PDCD11: variants seen among roughly 807,000 people sequenced by gnomAD.
PDCD11 encodes the protein protein RRP5 homolog.
PDCD11 carries 97 observed loss-of-function variants against 198.9 expected under a neutral mutation model. The observed-to-expected ratio is 0.49, with a 90% confidence interval of 0.41 to 0.58. The LOEUF (loss-of-function observed/expected upper bound fraction) is 0.58, where lower values mean the gene tolerates loss of function less well. Ranked by LOEUF, PDCD11 falls within the 20% of genes least tolerant of loss-of-function variation. The probability of loss-of-function intolerance (pLI) is 0.00; values close to 1 mark genes in which losing one functional copy is unlikely to be tolerated. For synonymous variants in PDCD11, 893 were observed against 918.0 expected (o/e 0.97, Z 0.49); for missense variants, 2,102 against 2,312.7 (o/e 0.91, Z 1.87).
Position 103,406,711 on chromosome 10 carries a change from C to T in PDCD11, c.791C>T (p.Thr264Met), listed in dbSNP as rs61731093. The change falls in exon 7 of 36, where the codon ACG (threonine) becomes ATG (methionine). Residue 264 changes from threonine (T) to methionine (M), a missense_variant. Thr to Met is a moderately conservative substitution (Grantham distance 81). Transcript: ENST00000369797. ...SLSVGHSEVSTAIATEQQSWN... is the reference protein window; with the variant it reads ...SLSVGHSEVSMAIATEQQSWN... ...TCTGTTGGTCACTCAGAGGTTTCTA[C>T]GGCCATTGCTACTGAACAGCAGAGC... is the stretch of plus-strand genomic sequence containing the variant. 4,653 of 1,614,078 alleles carry T rather than the reference C, an allele frequency of 2.9e-3. 11 individuals are homozygous for T. Among genetic ancestry groups the T allele is most frequent in the Middle Eastern group, 6.1e-3 (37 of 6,062 alleles).
At chr10:103,409,607 A>G (rs763876336) in intron 7 of PDCD11, 92 bp from the exon 8 acceptor site, 19 of 801,924 alleles carry the variant, frequency 2.4e-5, no homozygotes, top group South Asian at 1.7e-4. Context: ...AGTTAGGGAT[A>G]CTATGGCATT....
In PDCD11 at chr10:103,423,558, C is replaced by G. The variant is rs1414896217; in HGVS notation, c.2663C>G (p.Ser888Cys). ...TGCACTGCAGGGCAGGAGGTGGAAT[C>G]TGGGCAGAAAAAGAAGGTTGTTATC... The part of the protein sequence containing the change: ...RYHRAGQEVE[S>C]GQKKKVVILN... The change falls in exon 19 of 36, where the codon TCT becomes TGT. Residue 888 changes from serine to cysteine, a missense_variant. Transcript: ENST00000369797. 6.2e-7 allele frequency: 1 copy of G among 1,613,474 alleles called. No homozygotes were observed. Among genetic ancestry groups the G allele is most frequent in the Admixed American group, 1.7e-5 (1 of 60,020 alleles).
Position 103,438,818 on chromosome 10 carries a change from G to T in PDCD11, c.4025+10G>T, listed in dbSNP as rs756336218. ...ACGGTGTGTTCTTTCGGTGAGTGAG[G>T]GGGGCTCTGCACCCGGACCCAAGTG... On this transcript the variant is annotated intron_variant, in intron 27 of 35. Coordinates refer to ENST00000369797, the MANE Select transcript of PDCD11 (RefSeq NM_014976.2). The T allele has an allele frequency of 8.7e-6, 14 of 1,613,426 alleles. No individual in the cohort carries two copies. The highest frequency in any genetic ancestry group is 2.7e-5 in the African/African-American group (2 of 74,890).
chr10:103,442,178 C>T (rs779555032), intron 31 of PDCD11, 35 bp from the exon 32 acceptor site: 2 of 1,609,850 alleles, frequency 1.2e-6, no homozygotes, highest in South Asian at 2.2e-5. Context: ...CCTTGAGGAG[C>T]AGATGACTCA....
At chr10:103,432,961 C>T (rs948279984) in intron 22 of PDCD11, among the ~76,000 whole-genome samples, 2 of 152,186 alleles carry the variant, frequency 1.3e-5, no homozygotes, top group African/African-American at 4.8e-5. Context: ...ACCTTCTATT[C>T]CAATTGCCTA....
chr10:103,423,599 T>C lies in PDCD11; in HGVS notation c.2704T>C (p.Leu902=), dbSNP rs2031555384. The C allele has an allele frequency of 1.2e-6, 2 of 1,614,180 alleles. No homozygotes were observed. The highest frequency in any genetic ancestry group is 1.7e-6 in the Non-Finnish European group (2 of 1,180,016). The part of the protein sequence containing the change: ...KKVVILNVDL[L]KLEVHVSLHQ... The stretch of plus-strand genomic sequence containing the variant: ...GGTTGTTATCTTAAATGTTGATCTT[T>C]TGAAGTTGGAAGTGCACGTTTCCCT... Residue 902 remains leucine, a synonymous_variant, in exon 19 of 36, where the codon TTG becomes CTG. Transcript: ENST00000369797.
At chr10:103,442,521 A>G in intron 32 of PDCD11, 61 bp downstream of exon 32, 1 of 1,569,998 alleles carries the variant, frequency 6.4e-7, no homozygotes, top group South Asian at 1.1e-5. Flanking sequence ...GAAGTTTCTC[A>G]ACCTGTGGGG....
At chr10:103,435,578 C>T (rs1010751858) in intron 25 of PDCD11, among the ~76,000 whole-genome samples, 7 of 151,998 alleles carry the variant, frequency 4.6e-5, no homozygotes, top group Admixed American at 1.3e-4. Flanking sequence ...TGCAGTGGCG[C>T]GATCTCAGCT....
chr10:103,428,675 G>T (rs1284437263), intron 21 of PDCD11, among the ~76,000 whole-genome samples: 1 of 152,180 alleles, frequency 6.6e-6, no homozygotes, highest in Non-Finnish European at 1.5e-5. Flanking sequence ...ATGAGTCAGT[G>T]AACTCTGTGG....
At chr10:103,421,791 C>T (rs949083797) in intron 17 of PDCD11, among the ~76,000 whole-genome samples, 27 of 150,510 alleles carry the variant, frequency 1.8e-4, no homozygotes, top group African/African-American at 6.1e-4. Context: ...GGTGAAACCC[C>T]GTCTCTACTA....
intron 14 of PDCD11, 57 bp from the exon 15 acceptor site, chr10:103,418,383 C>T (rs2031234726): frequency 2.8e-6 from 4 of 1,407,710 alleles, no homozygotes; most frequent in Non-Finnish European, 4.0e-6. Flanking sequence ...CTAATCCAGA[C>T]CAGGTTGTTC....
chr10:103,430,110 T>C (rs1186671430), intron 21 of PDCD11, among the ~76,000 whole-genome samples: 1 of 152,022 alleles, frequency 6.6e-6, no homozygotes, highest in Non-Finnish European at 1.5e-5. Flanking sequence ...CCTCCCTCAG[T>C]CCCCCGAGTA....
Position 103,413,286 on chromosome 10 carries a change from C to T in PDCD11, c.1149C>T (p.Thr383=). Residue 383 remains threonine (T), a synonymous_variant, in exon 9 of 36, where the codon ACC becomes ACT. Coordinates refer to ENST00000369797, the MANE Select transcript of PDCD11 (RefSeq NM_014976.2). ...GTTTTTTCAAAAAGGCTGGGGCCAC[C>T]TTTAGGCTGAAGGATGGGGTTCTGG... is the stretch of plus-strand genomic sequence containing the variant. ...VQGFFKKAGA[T]FRLKDGVLAY... is the part of the protein sequence containing the mutation. The T allele has an allele frequency of 6.2e-7, 1 of 1,614,192 alleles. No individual in the cohort carries two copies. The highest frequency in any genetic ancestry group is 8.5e-7 in the Non-Finnish European group (1 of 1,180,018).
intron 16 of PDCD11, among the ~76,000 whole-genome samples, chr10:103,420,519 T>G (rs1221503811): frequency 6.6e-6 from 1 of 152,130 alleles, no homozygotes; most frequent in Non-Finnish European, 1.5e-5. Context: ...GCCTGGCACG[T>G]CAGCCGAGGC....
At chr10:103,403,929 C>T (rs2030278786) in intron 4 of PDCD11, among the ~76,000 whole-genome samples, 1 of 152,164 alleles carries the variant, frequency 6.6e-6, no homozygotes, top group South Asian at 2.1e-4. Context: ...TGATTTGATG[C>T]TTGGTCATGA....
intron 24 of PDCD11, 179 bp downstream of exon 24, chr10:103,434,529 C>T: frequency 9.9e-6 from 6 of 604,598 alleles, no homozygotes; most frequent in Non-Finnish European, 1.2e-5. Flanking sequence ...AGTTACTCCA[C>T]TGCTCTCTGA....
chr10:103,413,134 T>C lies in PDCD11; in HGVS notation c.997T>C (p.Cys333Arg), dbSNP rs1223946172. 5.6e-6 allele frequency: 9 copies of C among 1,614,134 alleles called. No homozygotes were observed. The highest frequency in any genetic ancestry group is 3.3e-5 in the Admixed American group (2 of 60,024). The change falls in exon 9 of 36, where the codon TGC becomes CGC. Residue 333 changes from cysteine (C) to arginine (R), a missense_variant. Transcript: ENST00000369797. Reference sequence around the variant, plus strand: ...TGTCTAGGTGAGGGCCTGCATCCTTTGCGTCCATCCTCGAACCAGAGTTGT... The same window carrying C: ...TGTCTAGGTGAGGGCCTGCATCCTTCGCGTCCATCCTCGAACCAGAGTTGT... The part of the protein sequence containing the change: ...SNQAVRACIL[C>R]VHPRTRVVHL...
In PDCD11 at chr10:103,404,957, T is replaced by C. The variant is rs1461651595; in HGVS notation, c.403-65T>C. On this transcript the variant is annotated intron_variant, in intron 4 of 35. Transcript: ENST00000369797. ...GGATGAGAAGTCACTGAGCCAAAGC[T>C]GGGTAATGGATTTTTGGTTCAGGAG... 14 of 1,498,948 alleles carry C rather than the reference T, an allele frequency of 9.3e-6. No homozygotes were observed. In the East Asian group the frequency reaches 3.3e-4, roughly 35 times the overall value. 92.9% of individuals were successfully genotyped at this position (1,498,948 alleles called of 1,614,324 possible).
At position 103,440,428 on chromosome 10, in the gene PDCD11, A is replaced by T. The variant is rs941838549; in HGVS notation, c.4287A>T (p.Gln1429His). Residue 1429 changes from glutamine to histidine, a missense_variant, in exon 29 of 36, where the codon CAA becomes CAT. Physicochemically the swap from Gln to His is conservative, Grantham distance 24. Transcript: ENST00000369797. ...AAACAGAGGCTGAGGAGAGAGACCA[A>T]AAAGGGGAAAAGAAAAATCAGAAAA... ...ERKTEAEERD[Q>H]KGEKKNQKRN... The T allele has an allele frequency of 9.3e-6, 15 of 1,614,240 alleles. No homozygotes were observed. Among genetic ancestry groups the T allele is most frequent in the Non-Finnish European group, 1.3e-5 (15 of 1,180,032 alleles).
Sources: gnomAD v4.1 joint callset for allele counts (sites outside exome capture counted in the v4.1 genomes callset) on GRCh38, gnomAD v4.1.1 for gene constraint, MANE v1.5 for transcripts, NCBI Gene and HGNC (gene_info 2026-07-23, HGNC 2026-07-21) for gene names.